The following CHUK variants were observed in gnomAD, a reference collection of about 807,000 sequenced individuals.
The protein encoded by CHUK is component of inhibitor of nuclear factor kappa B kinase complex.
In CHUK, 35 loss-of-function variants were observed where a neutral mutation model predicts 104.8. The observed-to-expected ratio is 0.33, with a 90% CI of 0.26 to 0.44. The LOEUF is 0.44. CHUK is among the 20% of genes least tolerant of loss of function. The pLI is 1.00. For synonymous variants in CHUK, 276 were observed against 291.9 expected (o/e 0.95, Z 0.56); for missense variants, 663 against 902.7 (o/e 0.73, Z 3.40).
At chr10:100,220,516 A>G in intron 5 of CHUK, 72 bp downstream of exon 5, 1 of 1,061,244 alleles carries the variant, frequency 9.4e-7, no homozygotes, top group Admixed American at 1.7e-5. Flanking sequence ...AAAGACACCA[A>G]AGCTCAAGGA....
Position 100,188,494 on chromosome 10 carries a change from GA to G in CHUK, c.*1103del, listed in dbSNP as rs1845122617. On this transcript the variant is annotated 3_prime_UTR_variant, in exon 21 of 21. Transcript: ENST00000370397. ...GATAGAGGTCCACAGTCCTTTCTCT[GA>G]AACCCTTGGGGCAAGTTGTTTCAGA... 6.6e-6 allele frequency: 1 copy of G among 152,586 alleles called. No homozygotes were observed. The highest frequency in any genetic ancestry group is 2.4e-5 in the African/African-American group (1 of 41,424). 9.5% of individuals were successfully genotyped at this position (152,586 alleles called of 1,614,324 possible).
At chr10:100,210,094 T>A (rs982925692) in intron 9 of CHUK, among the ~76,000 whole-genome samples, 3 of 105,870 alleles carry the variant, frequency 2.8e-5, no homozygotes, top group African/African-American at 6.5e-5. Flanking sequence ...TTTATTTATT[T>A]TTTTTTTTTT....
At chr10:100,193,536 T>C (rs554982745) in intron 18 of CHUK, 105 bp from the exon 19 acceptor site, 15 of 1,281,348 alleles carry the variant, frequency 1.2e-5, no homozygotes, top group East Asian at 9.4e-5. Flanking sequence ...TTACTACTTA[T>C]ATGCACAACC....
chr10:100,193,859 G>C, intron 18 of CHUK, 125 bp downstream of exon 18: 1 of 818,038 alleles, frequency 1.2e-6, no homozygotes, highest in Non-Finnish European at 2.0e-6. Flanking sequence ...AAGGAACATG[G>C]ATGTCATCCC....
chr10:100,198,723 A>G (rs1564831339), intron 16 of CHUK, among the ~76,000 whole-genome samples: 2 of 152,342 alleles, frequency 1.3e-5, no homozygotes, highest in South Asian at 4.1e-4. Flanking sequence ...AGATAATGTT[A>G]TTTTTTAAAT....
chr10:100,222,992 G>GA lies in CHUK; in HGVS notation c.201-13dup, dbSNP rs767657550. On this transcript the variant is annotated splice_polypyrimidine_tract_variant and intron_variant, in intron 2 of 20. Transcript: ENST00000370397. The stretch of plus-strand genomic sequence containing the variant: ...TGGCATGGTTCAACCTAATAAGAAA[G>GA]AAAAACATTACAATAAAAAAAATTA... 5.9e-6 allele frequency: 8 copies of GA among 1,346,186 alleles called. No individual in the cohort carries two copies. The African/African-American group carries it at 1.1e-4, about 19-fold the overall frequency. The allele number at this position is 1,346,186 out of a possible 1,614,324, so 83.4% of individuals were successfully genotyped here.
chr10:100,227,288 G>C (rs1470774502), intron 1 of CHUK, among the ~76,000 whole-genome samples: 3 of 152,216 alleles, frequency 2.0e-5, no homozygotes, highest in African/African-American at 7.2e-5. Flanking sequence ...GAATATTCTG[G>C]AGATAGGGTT....
intron 1 of CHUK, among the ~76,000 whole-genome samples, chr10:100,227,326 T>TC (rs1332366103): frequency 1.3e-5 from 2 of 152,260 alleles, no homozygotes; most frequent in African/African-American, 2.4e-5. Flanking sequence ...TCAATGTACT[T>TC]AATGCCACCT....
intron 4 of CHUK, 132 bp from the exon 5 acceptor site, chr10:100,220,808 C>A: frequency 1.6e-6 from 1 of 635,330 alleles, no homozygotes; most frequent in South Asian, 1.8e-5. Flanking sequence ...ACAACTAATA[C>A]TACAGTGTCC....
intron 1 of CHUK, among the ~76,000 whole-genome samples, chr10:100,228,993 G>GCGCGCA (rs764914118): frequency 4.5e-5 from 6 of 133,464 alleles, no homozygotes; most frequent in Non-Finnish European, 9.4e-5. Context: ...GCGCGCGCGC[G>GCGCGCA]CACACACACA....
Position 100,229,584 on chromosome 10 carries a change from C to A in CHUK, c.-52G>T. The A allele has an allele frequency of 1.7e-6, 2 of 1,153,928 alleles. No homozygotes were observed. Among genetic ancestry groups the A allele is most frequent in the Non-Finnish European group, 1.2e-6 (1 of 820,636 alleles). The allele number at this position is 1,153,928 out of a possible 1,614,324, so 71.5% of individuals were successfully genotyped here. On this transcript the variant is annotated 5_prime_UTR_variant, in exon 1 of 21. Coordinates refer to ENST00000370397, the MANE Select transcript of CHUK (RefSeq NM_001278.5). ...TTCCACAGTTGTTCCAAGGCCGGTT[C>A]CGGGCCGCCGATGCTCGCGCGTCTT...
chr10:100,222,274 C>A, intron 3 of CHUK, 93 bp from the exon 4 acceptor site: 2 of 701,464 alleles, frequency 2.9e-6, no homozygotes, highest in South Asian at 1.5e-5. Context: ...AAAGAATATT[C>A]AAATGAGAAA....
At position 100,207,432 on chromosome 10, in the gene CHUK, A is replaced by AT; in HGVS notation, c.1129-101dup. ...CCAGATTTCCTACTTTGAAATGCAA[A>AT]TGAACAAAATCAATGTGTATTACCA... On this transcript the variant is annotated intron_variant, in intron 10 of 20. Coordinates refer to ENST00000370397, the MANE Select transcript of CHUK (RefSeq NM_001278.5). 4.3e-6 allele frequency: 3 copies of AT among 692,984 alleles called. No individual in the cohort carries two copies. The South Asian group carries it at 4.7e-5, about 11-fold the overall frequency. 42.9% of individuals were successfully genotyped at this position (692,984 alleles called of 1,614,324 possible). A position where few individuals can be genotyped will look rare whatever the true frequency, so the allele number is the denominator to read the frequency against.
chr10:100,187,615 A>G (rs1845081180), downstream of CHUK: 1 of 152,212 alleles, frequency 6.6e-6, no homozygotes, highest in Non-Finnish European at 1.5e-5. Context: ...CCCTCTGAAA[A>G]GTTGTTACCC....
At chr10:100,199,013 C>T (rs12764732) in intron 16 of CHUK, among the ~76,000 whole-genome samples, 6,798 of 152,218 alleles carry the variant, frequency 0.045, 163 homozygotes, top group East Asian at 0.056. Flanking sequence ...AGTAGGAAAG[C>T]TAGGTTTCAA....
intron 11 of CHUK, 137 bp from the exon 12 acceptor site, chr10:100,205,336 A>T (rs2134222813): frequency 1.1e-6 from 1 of 921,816 alleles, no homozygotes. Context: ...ATGCTAAAAG[A>T]ACCACTTGTT....
rs183658163 is a variant in CHUK, at chr10:100,215,279, T to C, written c.933+2716A>G. 1.1e-3 allele frequency among the ~76,000 whole-genome samples: 160 copies of C among 147,736 alleles called. 1 individual carries two copies. Among genetic ancestry groups the C allele is most frequent in the Admixed American group, 3.3e-3 (49 of 14,872 alleles). On this transcript the variant is annotated intron_variant, in intron 9 of 20. Transcript: ENST00000370397. ...TAGAACAAATATGTTCAGTTTTTAA[T>C]AAATTAAGTTGTAAGTGCCAGTGGA...
Position 100,193,353 on chromosome 10 carries a change from G to C in CHUK, c.2053C>G (p.Pro685Ala), listed in dbSNP as rs753054670. Reference sequence around the variant, plus strand: ...GAATGATCATGTTCTGCTGAAGTCGGGGGCAGCCATGCTGATGTCTGAGGG... The same window carrying C: ...GAATGATCATGTTCTGCTGAAGTCGCGGGCAGCCATGCTGATGTCTGAGGG... Reference protein sequence around the residue: ...VTPQTSAWLPPTSAEHDHSLS... With the variant: ...VTPQTSAWLPATSAEHDHSLS... The change falls in exon 19 of 21, where the codon CCG becomes GCG. Residue 685 changes from proline (P) to alanine (A), a missense_variant. Physicochemically the swap from Pro to Ala is conservative, Grantham distance 27. Transcript: ENST00000370397. The C allele has an allele frequency of 1.9e-6, 3 of 1,614,090 alleles. No homozygotes were observed. Among genetic ancestry groups the C allele is most frequent in the African/African-American group, 1.3e-5 (1 of 75,020 alleles).
At position 100,199,981 on chromosome 10, in the gene CHUK, G is replaced by A. The variant is rs371533046; in HGVS notation, c.1719C>T (p.His573=). The A allele has an allele frequency of 1.1e-4, 185 of 1,611,770 alleles. No homozygotes were observed. The highest frequency in any genetic ancestry group is 1.4e-4 in the Non-Finnish European group (164 of 1,178,098). ...RAIDLYKQLK[H]RPSDHSYSDS... ...GTAGAAGTGTCTTACCTGAAGGTCT[G>A]TGTTTTAACTGCTTATATAGATCAA... The change falls in exon 16 of 21, where the codon CAC becomes CAT. Residue 573 remains histidine (H), a synonymous_variant. Transcript: ENST00000370397.
Sources: allele counts gnomAD v4.1 joint callset (sites outside exome capture counted in the v4.1 genomes callset), GRCh38; gene constraint gnomAD v4.1.1; transcripts MANE v1.5; gene names NCBI Gene and HGNC (gene_info 2026-07-23, HGNC 2026-07-21).